Variants in PLB1 observed in about 807,000 individuals in gnomAD.
The protein encoded by PLB1 is phospholipase B1, membrane-associated.
Under a neutral mutation model 227.4 loss-of-function variants are expected in PLB1, and 242 were observed. That is an observed-to-expected ratio of 1.06 (90% CI 0.96 to 1.18). The LOEUF is 1.18. Among genes scored for constraint, PLB1 ranks in the 50% most tolerant of loss-of-function variants. The pLI is 0.00. For missense variants in PLB1, 1,858 were observed against 1,816.3 expected (o/e 1.02, Z -0.42); for synonymous variants, 757 against 682.2 (o/e 1.11, Z -1.71).
chr2:28,599,597 A>G (rs552158935), intron 35 of PLB1, among the ~76,000 whole-genome samples: 1 of 152,324 alleles, frequency 6.6e-6, no homozygotes, highest in East Asian at 1.9e-4. Flanking sequence ...GACGCCTGAA[A>G]TCTATTCCTT....
At chr2:28,531,135 A>C (rs1223134941) in intron 8 of PLB1, among the ~76,000 whole-genome samples, 1 of 152,226 alleles carries the variant, frequency 6.6e-6, no homozygotes, top group Non-Finnish European at 1.5e-5. Context: ...AAAAAATCAG[A>C]AAACACAGAT....
At chr2:28,509,930 G>T (rs2148165437) in intron 1 of PLB1, among the ~76,000 whole-genome samples, 1 of 152,294 alleles carries the variant, frequency 6.6e-6, no homozygotes, top group Non-Finnish European at 1.5e-5. Context: ...AGTGGGGCCA[G>T]AAGTGAGAGG....
chr2:28,548,364 CAGTG>C (rs1253492387), intron 14 of PLB1: 1 of 302,436 alleles, frequency 3.3e-6, no homozygotes, highest in Non-Finnish European at 7.1e-6. Flanking sequence ...GAACTTGAAT[CAGTG>C]AGCCAGAAAG....
intron 44 of PLB1, among the ~76,000 whole-genome samples, chr2:28,615,712 T>G (rs1302812677): frequency 6.6e-6 from 1 of 152,224 alleles, no homozygotes; most frequent in Non-Finnish European, 1.5e-5. Context: ...ATTTACCTAT[T>G]GGATGCCTAT....
chr2:28,566,891 C>T (rs1397569112), intron 20 of PLB1, 52 bp downstream of exon 20: 3 of 1,601,960 alleles, frequency 1.9e-6, no homozygotes, highest in East Asian at 2.2e-5. Flanking sequence ...CCCCTGCACG[C>T]TTCCCGCTCC....
intron 49 of PLB1, among the ~76,000 whole-genome samples, chr2:28,621,264 C>A (rs1253251754): frequency 6.6e-6 from 1 of 152,142 alleles, no homozygotes; most frequent in African/African-American, 2.4e-5. Context: ...TGTGCTATTA[C>A]CGCCTCTCCA....
chr2:28,566,878 C>T (rs200591159), intron 20 of PLB1, 39 bp downstream of exon 20: 3 of 1,611,650 alleles, frequency 1.9e-6, no homozygotes, highest in Admixed American at 1.7e-5. Context: ...TGGTTTGGGG[C>T]GGCCCCTGCA....
chr2:28,632,179 G>A (rs1346448822), intron 55 of PLB1, 39 bp downstream of exon 55: 4 of 1,509,340 alleles, frequency 2.7e-6, no homozygotes, highest in African/African-American at 2.8e-5. Context: ...ACGTATGGGG[G>A]CCTTATCACA....
intron 10 of PLB1, 37 bp from the exon 11 acceptor site, chr2:28,539,061 TG>T (rs765034543): frequency 5.2e-5 from 81 of 1,560,622 alleles, no homozygotes; most frequent in Non-Finnish European, 7.2e-5. Context: ...CATGGCGACT[TG>T]GCAAATACTC....
At chr2:28,532,085 C>T in intron 8 of PLB1, 23 bp from the exon 9 acceptor site, 1 of 1,576,262 alleles carries the variant, frequency 6.3e-7, no homozygotes, top group Non-Finnish European at 8.7e-7. Context: ...ATCTCCTTTT[C>T]ATGCTGTTGC....
intron 20 of PLB1, among the ~76,000 whole-genome samples, chr2:28,568,672 T>C (rs766628895): frequency 2.6e-4 from 39 of 152,148 alleles, no homozygotes; most frequent in Non-Finnish European, 5.6e-4. Context: ...TTTGGCAGCA[T>C]GTCTTCCTAA....
In PLB1 at chr2:28,538,308, T is replaced by C. The variant is rs773424805; in HGVS notation, c.556-11T>C. On this transcript the variant is annotated splice_polypyrimidine_tract_variant and intron_variant, in intron 9 of 57. Coordinates refer to ENST00000327757, the MANE Select transcript of PLB1 (RefSeq NM_153021.5). ...CAGGCACCCTCACTTAGCACGGTTC[T>C]CCTCTCACAGAATGGGCTTGCGGCG... is the stretch of plus-strand genomic sequence containing the variant. The C allele has an allele frequency of 1.2e-6, 2 of 1,614,116 alleles. No homozygotes were observed. The highest frequency in any genetic ancestry group is 3.3e-5 in the Admixed American group (2 of 60,018).
chr2:28,589,508 T>G lies in PLB1; in HGVS notation c.1874T>G (p.Val625Gly). The G allele has an allele frequency of 6.2e-7, 1 of 1,614,174 alleles. No homozygotes were observed. The highest frequency in any genetic ancestry group is 8.5e-7 in the Non-Finnish European group (1 of 1,180,030). ...TATGACACAAGGGAAGATTTTACTG[T>G]GGTTGTGCAGCCGTTCTTTGAAAAC... ...GRYDTREDFT[V>G]VVQPFFENVD... Residue 625 changes from valine (V) to glycine (G), a missense_variant, in exon 27 of 58, where the codon GTG (valine) becomes GGG (glycine). By Grantham distance (109) the Val-to-Gly change is moderately radical. Transcript: ENST00000327757.
intron 12 of PLB1, among the ~76,000 whole-genome samples, chr2:28,540,807 T>TA (rs1672376445): frequency 6.6e-6 from 1 of 152,164 alleles, no homozygotes; most frequent in Admixed American, 6.5e-5. Context: ...TGCCTGTCCC[T>TA]AGCTTACAGC....
chr2:28,520,232 C>CTT (rs57897168), intron 4 of PLB1, among the ~76,000 whole-genome samples: 4 of 148,634 alleles, frequency 2.7e-5, no homozygotes, highest in Admixed American at 1.3e-4. Flanking sequence ...CCAGCCGAAT[C>CTT]TTTTTTTTTT....
chr2:28,558,374 T>C (rs1209404094), intron 17 of PLB1, among the ~76,000 whole-genome samples: 1 of 152,214 alleles, frequency 6.6e-6, no homozygotes, highest in Non-Finnish European at 1.5e-5. Flanking sequence ...TGATGCATTA[T>C]GGCAGTAAGA....
intron 52 of PLB1, 87 bp from the exon 53 acceptor site, chr2:28,629,007 G>A: frequency 9.2e-7 from 1 of 1,087,342 alleles, no homozygotes; most frequent in Non-Finnish European, 1.3e-6. Flanking sequence ...TAAAATTGAG[G>A]GGAGTGGGAA....
rs145149941 is a variant in PLB1, at chr2:28,627,561, C to T, written c.3661-1002C>T. ...GCAGAAACTCTGGGAGACACGAGGT[C>T]CCCTCTCCTCTATTTTAACTCTTCG... On this transcript the variant is annotated intron_variant, in intron 51 of 57. Coordinates refer to ENST00000327757, the MANE Select transcript of PLB1 (RefSeq NM_153021.5). 5.8e-4 allele frequency among the ~76,000 whole-genome samples: 89 copies of T among 152,168 alleles called. 1 individual carries two copies. The highest frequency in any genetic ancestry group is 3.1e-3 in the South Asian group (15 of 4,820).
At chr2:28,578,025 T>G in intron 21 of PLB1, 82 bp from the exon 22 acceptor site, 3 of 1,378,226 alleles carry the variant, frequency 2.2e-6, no homozygotes, top group Non-Finnish European at 3.1e-6. Flanking sequence ...TCCTCCACCA[T>G]ACATTTGATT....
Sources: gnomAD v4.1 joint callset for allele counts (sites outside exome capture counted in the v4.1 genomes callset) on GRCh38, gnomAD v4.1.1 for gene constraint, MANE v1.5 for transcripts, NCBI Gene and HGNC (gene_info 2026-07-23, HGNC 2026-07-21) for gene names.